MAGI1: variants seen among roughly 807,000 people sequenced by gnomAD.
The protein encoded by MAGI1 is membrane-associated guanylate kinase, WW and PDZ domain-containing protein 1.
In MAGI1, 58 loss-of-function variants were observed where a neutral mutation model predicts 139.9. That is an observed-to-expected ratio of 0.41 (90% CI 0.34 to 0.52). The LOEUF is 0.52. MAGI1 is among the 20% of genes least tolerant of loss of function. The pLI, the probability that MAGI1 is intolerant of heterozygous loss-of-function variation, is 0.12. For missense variants in MAGI1, 1,874 were observed against 1,901.6 expected (o/e 0.99, Z 0.27); for synonymous variants, 812 against 737.9 (o/e 1.10, Z -1.63).
intron 1 of MAGI1, among the ~76,000 whole-genome samples, chr3:65,746,707 T>C (rs975900771): frequency 3.9e-5 from 6 of 152,168 alleles, no homozygotes; most frequent in Non-Finnish European, 7.3e-5. Flanking sequence ...CATTAAAATA[T>C]AATATAGAAA....
At chr3:65,964,642 G>A (rs998244155) in intron 1 of MAGI1, among the ~76,000 whole-genome samples, 4 of 152,110 alleles carry the variant, frequency 2.6e-5, no homozygotes, top group Non-Finnish European at 4.4e-5. Flanking sequence ...CAGGGCTATC[G>A]CCCTTAACTT....
At chr3:65,653,266 T>G (rs1279100182) in intron 1 of MAGI1, among the ~76,000 whole-genome samples, 1 of 152,154 alleles carries the variant, frequency 6.6e-6, no homozygotes, top group Non-Finnish European at 1.5e-5. Context: ...GAGCCCACTC[T>G]TTTCCAACAC....
chr3:65,960,415 G>T (rs1181604552), intron 1 of MAGI1, among the ~76,000 whole-genome samples: 1 of 152,110 alleles, frequency 6.6e-6, no homozygotes, highest in Admixed American at 6.6e-5. Flanking sequence ...TTCCTCACCA[G>T]GGTTTTGACA....
intron 13 of MAGI1, among the ~76,000 whole-genome samples, chr3:65,399,775 TGGGTTCACCA>T (rs1422749714): frequency 6.6e-6 from 1 of 152,252 alleles, no homozygotes; most frequent in East Asian, 1.9e-4. Context: ...TGATAGCCTT[TGGGTTCACCA>T]GGTAATTCCA....
At position 65,806,349 on chromosome 3, in the gene MAGI1, A is replaced by C. The variant is rs571968028; in HGVS notation, c.314-184261T>G. ...GAGGCTGAGGCAAGAGAATCCTTTG[A>C]ACATGGGAGGCAGAGGTTGCAGTGA... On this transcript the variant is annotated intron_variant, in intron 1 of 22. Transcript: ENST00000402939. 2.2e-4 allele frequency among the ~76,000 whole-genome samples: 33 copies of C among 152,192 alleles called. No homozygotes were observed. The South Asian group carries it at 5.8e-3, about 27-fold the overall frequency.
At chr3:65,584,252 A>G (rs1429990167) in intron 2 of MAGI1, among the ~76,000 whole-genome samples, 1 of 152,178 alleles carries the variant, frequency 6.6e-6, no homozygotes, top group Non-Finnish European at 1.5e-5. Context: ...CAGGAGGCCA[A>G]TGCTGGAATT....
intron 13 of MAGI1, among the ~76,000 whole-genome samples, chr3:65,394,247 T>C (rs1257407948): frequency 1.3e-5 from 2 of 152,100 alleles, no homozygotes; most frequent in African/African-American, 4.8e-5. Context: ...TATAACACCC[T>C]TTCTCACCTC....
At chr3:65,991,272 A>C (rs2107358402) in intron 1 of MAGI1, among the ~76,000 whole-genome samples, 1 of 143,494 alleles carries the variant, frequency 7.0e-6, no homozygotes, top group African/African-American at 2.6e-5. Context: ...TGGGCGACAG[A>C]GCGAGAGACT....
chr3:65,636,402 A>G (rs530948809), intron 1 of MAGI1, among the ~76,000 whole-genome samples: 13 of 152,244 alleles, frequency 8.5e-5, no homozygotes, highest in Admixed American at 2.6e-4. Context: ...ACACTCCACT[A>G]TTTTCATTCC....
chr3:65,780,976 T>C (rs1018868211), intron 1 of MAGI1, among the ~76,000 whole-genome samples: 1 of 152,194 alleles, frequency 6.6e-6, no homozygotes, highest in Non-Finnish European at 1.5e-5. Context: ...TCCTAGCACA[T>C]TGGGAGGCCA....
chr3:65,796,280 T>G (rs2040144050), intron 1 of MAGI1, among the ~76,000 whole-genome samples: 1 of 152,216 alleles, frequency 6.6e-6, no homozygotes, highest in Non-Finnish European at 1.5e-5. Context: ...TTTCAACTGA[T>G]TTGATTGATG....
chr3:65,890,322 G>A (rs762133057), intron 1 of MAGI1, among the ~76,000 whole-genome samples: 5 of 152,110 alleles, frequency 3.3e-5, no homozygotes, highest in Non-Finnish European at 5.9e-5. Flanking sequence ...CAGAGATAGC[G>A]CCACTGCACT....
chr3:65,535,463 C>A (rs570872806), intron 2 of MAGI1, among the ~76,000 whole-genome samples: 9 of 152,288 alleles, frequency 5.9e-5, no homozygotes, highest in African/African-American at 2.2e-4. Flanking sequence ...ATAGATTCAA[C>A]CCTACCCATT....
chr3:65,528,670 C>T (rs2078498490), intron 2 of MAGI1, among the ~76,000 whole-genome samples: 1 of 152,110 alleles, frequency 6.6e-6, no homozygotes, highest in Non-Finnish European at 1.5e-5. Flanking sequence ...AGAACAAATG[C>T]TCAGCAAATG....
At chr3:65,468,426 T>C (rs1950322769) in intron 5 of MAGI1, among the ~76,000 whole-genome samples, 1 of 139,382 alleles carries the variant, frequency 7.2e-6, no homozygotes, top group Admixed American at 7.9e-5. Flanking sequence ...TTACCCAAGC[T>C]GTGCAGTGGT....
Position 65,622,074 on chromosome 3 carries a change from T to C in MAGI1, c.328A>G (p.Lys110Glu), listed in dbSNP as rs1397888223. Residue 110 changes from lysine to glutamate, a missense_variant, in exon 2 of 23, where the codon AAG (lysine) becomes GAG (glutamate). Physicochemically the swap from Lys to Glu is moderately conservative, Grantham distance 56 (BLOSUM62 1). This residue lies in a region of MAGI1 where 648 missense variants were observed against 598.1 expected (regional missense o/e 1.08). Transcript: ENST00000402939. ...TGATTGAGAAAATGTCGCAGGTCCT[T>C]GTTCAGCCTTCCTCCTGCAGGAAAT... Reference protein sequence around the residue: ...KAVRQGGRLNKDLRHFLNQRF... With the variant: ...KAVRQGGRLNEDLRHFLNQRF... 6.2e-7 allele frequency: 1 copy of C among 1,613,022 alleles called. No homozygotes were observed. The highest frequency in any genetic ancestry group is 8.5e-7 in the Non-Finnish European group (1 of 1,179,054).
chr3:65,436,322 C>A (rs1416751500), intron 10 of MAGI1, among the ~76,000 whole-genome samples: 1 of 151,924 alleles, frequency 6.6e-6, no homozygotes, highest in African/African-American at 2.4e-5. Flanking sequence ...CAAACATCCC[C>A]CAACTCTGTC....
intron 2 of MAGI1, among the ~76,000 whole-genome samples, chr3:65,568,592 A>T (rs1329258738): frequency 1.3e-5 from 2 of 152,194 alleles, no homozygotes; most frequent in Admixed American, 6.5e-5. Flanking sequence ...TGCACACTCA[A>T]GTCTAAAATG....
At chr3:65,678,662 C>A (rs2087359077) in intron 1 of MAGI1, among the ~76,000 whole-genome samples, 1 of 152,190 alleles carries the variant, frequency 6.6e-6, no homozygotes, top group East Asian at 1.9e-4. Context: ...GCTTGCCTCA[C>A]TGAGAGCAGG....
Sources: allele counts gnomAD v4.1 joint callset (sites outside exome capture counted in the v4.1 genomes callset), GRCh38; gene constraint gnomAD v4.1.1; regional missense constraint gnomAD v4.1.1; transcripts MANE v1.5; gene names NCBI Gene and HGNC (gene_info 2026-07-23, HGNC 2026-07-21).